The following KCNS3 variants were observed in gnomAD, a reference collection of about 807,000 sequenced individuals.
KCNS3 encodes the protein delayed-rectifier potassium channel regulatory subunit KCNS3.
In KCNS3, 13 loss-of-function variants were observed where a neutral mutation model predicts 31.0. That is an observed-to-expected ratio of 0.42 (90% CI 0.27 to 0.67). The LOEUF (loss-of-function observed/expected upper bound fraction) is 0.67. Ranked by LOEUF, KCNS3 falls within the 30% of genes least tolerant of loss-of-function variation. The pLI is 0.25. For missense variants in KCNS3, 545 were observed against 622.4 expected (o/e 0.88, Z 1.32); for synonymous variants, 238 against 241.5 (o/e 0.99, Z 0.13).
chr2:17,916,935 C>T (rs1426898746), intron 1 of KCNS3, among the ~76,000 whole-genome samples: 1 of 151,334 alleles, frequency 6.6e-6, no homozygotes, highest in African/African-American at 2.4e-5. Context: ...TGGATGGATG[C>T]TTAGAAGCTA....
chr2:17,930,927 A>G, intron 2 of KCNS3, 23 bp from the exon 3 acceptor site: 1 of 1,505,806 alleles, frequency 6.6e-7, no homozygotes, highest in South Asian at 1.3e-5. Flanking sequence ...CAGAGTGCTA[A>G]TATCATCTTG....
chr2:17,887,488 T>TATCTATCTATCC (rs1661692889), intron 1 of KCNS3, among the ~76,000 whole-genome samples: 1 of 141,428 alleles, frequency 7.1e-6, no homozygotes, highest in South Asian at 2.2e-4. Context: ...TCATATGATC[T>TATCTATCTATCC]ATCTATCTAT....
At chr2:17,889,568 C>G (rs960169771) in intron 1 of KCNS3, among the ~76,000 whole-genome samples, 1 of 152,094 alleles carries the variant, frequency 6.6e-6, no homozygotes, top group Non-Finnish European at 1.5e-5. Flanking sequence ...GTGGGTTTGT[C>G]ATAGATGGCT....
intron 1 of KCNS3, among the ~76,000 whole-genome samples, chr2:17,908,744 G>C (rs141814186): frequency 0.072 from 10,944 of 152,266 alleles, 593 homozygotes; most frequent in African/African-American, 0.15. Context: ...CTATTTGCCT[G>C]GGTATCAGCC....
At position 17,903,391 on chromosome 2, in the gene KCNS3, TGCTGTGGATTAAAAATAAA is replaced by T. The variant is rs1381293210; in HGVS notation, c.-251-14286_-251-14268del. Among the ~76,000 whole-genome samples the T allele has an allele frequency of 7.8e-4, 119 of 152,250 alleles. 1 individual carries two copies. Among genetic ancestry groups the T allele is most frequent in the Non-Finnish European group, 6.6e-4 (45 of 68,018 alleles). On this transcript the variant is annotated intron_variant, in intron 1 of 2. Transcript: ENST00000304101. ...TAAGTATATTTTTGAGAGTGATAAA[TGCTGTGGATTAAAAATAAA>T]GCAAGGAAGGGGGTTGAAGTTTTAG...
intron 1 of KCNS3, among the ~76,000 whole-genome samples, chr2:17,901,857 G>C (rs6732805): frequency 0.056 from 8,490 of 152,124 alleles, 586 homozygotes; most frequent in African/African-American, 0.17. Context: ...CAAACTAGGT[G>C]ATCTGGCCAC....
chr2:17,913,995 A>G (rs1371507122), intron 1 of KCNS3, among the ~76,000 whole-genome samples: 1 of 152,156 alleles, frequency 6.6e-6, no homozygotes, highest in African/African-American at 2.4e-5. Context: ...CAAGGTTAGG[A>G]TATCTCCAGA....
chr2:17,879,149 T>A (rs1674579423), intron 1 of KCNS3, among the ~76,000 whole-genome samples: 1 of 152,092 alleles, frequency 6.6e-6, no homozygotes, highest in South Asian at 2.1e-4. Context: ...TGGGCTATGG[T>A]CAGGGGGAGG....
intron 2 of KCNS3, among the ~76,000 whole-genome samples, chr2:17,922,573 T>C (rs1297396793): frequency 1.3e-5 from 2 of 152,146 alleles, no homozygotes; most frequent in Non-Finnish European, 2.9e-5. Flanking sequence ...CAGTGGTTCT[T>C]GGTATATTCA....
At chr2:17,886,811 T>C (rs1407829186) in intron 1 of KCNS3, among the ~76,000 whole-genome samples, 1 of 151,926 alleles carries the variant, frequency 6.6e-6, no homozygotes, top group East Asian at 1.9e-4. Flanking sequence ...TTTGCCACAG[T>C]GTAAAAAGGT....
At chr2:17,897,139 T>C (rs1426908475) in intron 1 of KCNS3, among the ~76,000 whole-genome samples, 1 of 152,154 alleles carries the variant, frequency 6.6e-6, no homozygotes, top group Non-Finnish European at 1.5e-5. Flanking sequence ...AGTGAGAACA[T>C]GTGGTATTTG....
At chr2:17,882,150 T>C (rs1180706904) in intron 1 of KCNS3, among the ~76,000 whole-genome samples, 1 of 152,228 alleles carries the variant, frequency 6.6e-6, no homozygotes, top group Non-Finnish European at 1.5e-5. Context: ...GTAGGCAGAA[T>C]CTATGACATG....
At chr2:17,911,001 C>T (rs547809498) in intron 1 of KCNS3, among the ~76,000 whole-genome samples, 1 of 152,296 alleles carries the variant, frequency 6.6e-6, no homozygotes, top group African/African-American at 2.4e-5. Flanking sequence ...CTTTTCTCTC[C>T]TTGGAGAAGA....
intron 2 of KCNS3, among the ~76,000 whole-genome samples, chr2:17,928,573 A>G (rs1231031784): frequency 1.3e-5 from 2 of 151,854 alleles, no homozygotes; most frequent in Non-Finnish European, 2.9e-5. Flanking sequence ...AGATTTGTCA[A>G]TTTCGTTGAT....
intron 2 of KCNS3, among the ~76,000 whole-genome samples, chr2:17,928,669 CTT>C (rs35071705): frequency 4.7e-4 from 70 of 148,384 alleles, no homozygotes; most frequent in South Asian, 2.4e-3. Context: ...TTATTATTTC[CTT>C]TTTTTTTTTC....
At chr2:17,929,315 G>A (rs1662903774) in intron 2 of KCNS3, among the ~76,000 whole-genome samples, 1 of 152,160 alleles carries the variant, frequency 6.6e-6, no homozygotes, top group South Asian at 2.1e-4. Flanking sequence ...AGGCATGGCT[G>A]GGGAGGCCTC....
chr2:17,907,700 A>T (rs1305410506), intron 1 of KCNS3, among the ~76,000 whole-genome samples: 1 of 152,020 alleles, frequency 6.6e-6, no homozygotes, highest in African/African-American at 2.4e-5. Context: ...AAAGGATTTT[A>T]TTTCTCCTTC....
At chr2:17,905,731 G>C (rs1253649221) in intron 1 of KCNS3, among the ~76,000 whole-genome samples, 1 of 152,160 alleles carries the variant, frequency 6.6e-6, no homozygotes, top group Non-Finnish European at 1.5e-5. Context: ...TGTGGCTTTT[G>C]TCTTTGGTTC....
chr2:17,900,678 C>T (rs2125239562), intron 1 of KCNS3, among the ~76,000 whole-genome samples: 1 of 152,002 alleles, frequency 6.6e-6, no homozygotes. Context: ...TTAGTAGAGA[C>T]AGGGTTTCAC....
Sources: gnomAD v4.1 joint callset for allele counts (sites outside exome capture counted in the v4.1 genomes callset) on GRCh38, gnomAD v4.1.1 for gene constraint, MANE v1.5 for transcripts, NCBI Gene and HGNC (gene_info 2026-07-23, HGNC 2026-07-21) for gene names.